EBF1: variants seen among roughly 807,000 people sequenced by gnomAD.
The protein encoded by EBF1 is EBF transcription factor 1, also known as transcription factor COE1.
EBF1 carries 10 observed loss-of-function variants against 68.4 expected under a neutral mutation model. The observed-to-expected ratio is 0.15, with a 90% confidence interval of 0.09 to 0.25. EBF1 has a LOEUF of 0.25. Ranked by LOEUF, EBF1 falls within the 10% of genes least tolerant of loss-of-function variation. EBF1 has a pLI of 1.00. For synonymous variants in EBF1, 298 were observed against 299.8 expected (o/e 0.99, Z 0.06); for missense variants, 509 against 794.4 (o/e 0.64, Z 4.32).
At chr5:159,051,921 T>G (rs1773825749) in intron 6 of EBF1, among the ~76,000 whole-genome samples, 1 of 152,162 alleles carries the variant, frequency 6.6e-6, no homozygotes. Flanking sequence ...TACGTTCTTT[T>G]GCCATTTATA....
chr5:158,937,585 G>T (rs190726679), intron 6 of EBF1, among the ~76,000 whole-genome samples: 4 of 152,354 alleles, frequency 2.6e-5, no homozygotes, highest in African/African-American at 9.6e-5. Context: ...GAGCGGAATG[G>T]GATGTAATTA....
intron 8 of EBF1, among the ~76,000 whole-genome samples, chr5:158,798,324 T>G: frequency 6.6e-6 from 1 of 152,218 alleles, no homozygotes; most frequent in Non-Finnish European, 1.5e-5. Context: ...GGTCATTAAT[T>G]GCTGACCCTG....
At chr5:158,941,467 G>T (rs1813369260) in intron 6 of EBF1, among the ~76,000 whole-genome samples, 1 of 151,984 alleles carries the variant, frequency 6.6e-6, no homozygotes, top group South Asian at 2.1e-4. Context: ...ACTCTATAGG[G>T]GCACACGCAC....
At chr5:159,045,253 T>G (rs1772107926) in intron 6 of EBF1, among the ~76,000 whole-genome samples, 1 of 152,052 alleles carries the variant, frequency 6.6e-6, no homozygotes, top group African/African-American at 2.4e-5. Flanking sequence ...GAATCAGAGA[T>G]CTCAAGAATT....
chr5:158,819,719 T>G (rs953544469), intron 8 of EBF1, among the ~76,000 whole-genome samples: 11 of 152,234 alleles, frequency 7.2e-5, no homozygotes, highest in African/African-American at 2.7e-4. Flanking sequence ...AGTTACATTT[T>G]GAGGCTGCCT....
At chr5:158,774,146 A>T (rs911340004) in intron 10 of EBF1, among the ~76,000 whole-genome samples, 2 of 152,102 alleles carry the variant, frequency 1.3e-5, no homozygotes, top group African/African-American at 4.8e-5. Flanking sequence ...CTCTGATTGG[A>T]CAAACACAAG....
intron 6 of EBF1, among the ~76,000 whole-genome samples, chr5:158,844,851 G>A (rs1254129468): frequency 3.3e-5 from 5 of 152,098 alleles, no homozygotes; most frequent in Non-Finnish European, 7.4e-5. Context: ...GGAACTAACT[G>A]AACCCAATAC....
intron 6 of EBF1, among the ~76,000 whole-genome samples, chr5:158,994,549 C>T (rs372369994): frequency 6.4e-4 from 97 of 152,272 alleles, no homozygotes; most frequent in African/African-American, 1.6e-3. Flanking sequence ...ATCCCTTGCA[C>T]GCCTTTTGAG....
chr5:158,922,616 A>G (rs1365485059), intron 6 of EBF1, among the ~76,000 whole-genome samples: 1 of 152,230 alleles, frequency 6.6e-6, no homozygotes, highest in Non-Finnish European at 1.5e-5. Flanking sequence ...AGGGTTGGAA[A>G]AGTAGATTTA....
rs7711317 is a variant in EBF1 at position 158,760,086 on chromosome 5, T to A, written c.1036+17327A>T. ...GATAGTACATTGCCAAGTAGATTTG[T>A]CCTTTAAGACTTTAGAAATTCTAGG... On this transcript the variant is annotated intron_variant, in intron 10 of 15. Transcript: ENST00000313708. Among the ~76,000 whole-genome samples, 830 of 152,310 alleles carry A rather than the reference T, an allele frequency of 5.4e-3. 9 individuals are homozygous for A. The highest frequency in any genetic ancestry group is 0.019 in the African/African-American group (802 of 41,570).
At chr5:158,895,695 T>C (rs776796949) in intron 6 of EBF1, among the ~76,000 whole-genome samples, 4 of 152,170 alleles carry the variant, frequency 2.6e-5, no homozygotes, top group Admixed American at 1.3e-4. Flanking sequence ...AGGAGTGACC[T>C]GGCCAAAGGA....
chr5:159,045,123 C>T (rs1169004326), intron 6 of EBF1, among the ~76,000 whole-genome samples: 1 of 151,948 alleles, frequency 6.6e-6, no homozygotes, highest in Non-Finnish European at 1.5e-5. Flanking sequence ...AAAAAAGAAA[C>T]TTTGGTTCAT....
rs2127450670 is a variant in EBF1 at position 158,697,219 on chromosome 5, T to C, written c.*1892A>G. ...TTTTGTAAGCTTCCAAAGCAAAGGA[T>C]ACATTTTTTTTTAAATCTACTGAAC... is the stretch of plus-strand genomic sequence containing the variant. On this transcript the variant is annotated 3_prime_UTR_variant, in exon 16 of 16. Transcript: ENST00000313708. The C allele has an allele frequency of 1.0e-5, 2 of 193,242 alleles. No individual in the cohort carries two copies. Among genetic ancestry groups the C allele is most frequent in the Non-Finnish European group, 2.2e-5 (2 of 92,872 alleles). 12.0% of individuals were successfully genotyped at this position (193,242 alleles called of 1,614,324 possible).
At chr5:158,975,443 G>A (rs561196932) in intron 6 of EBF1, among the ~76,000 whole-genome samples, 3 of 152,182 alleles carry the variant, frequency 2.0e-5, no homozygotes, top group Non-Finnish European at 4.4e-5. Context: ...TGAATGCTGT[G>A]TGGTGTCTTC....
intron 6 of EBF1, among the ~76,000 whole-genome samples, chr5:158,907,169 C>T (rs191117916): frequency 6.6e-6 from 1 of 152,286 alleles, no homozygotes; most frequent in East Asian, 1.9e-4. Flanking sequence ...GACATCATCT[C>T]TGCCTTCACG....
intron 15 of EBF1, among the ~76,000 whole-genome samples, chr5:158,705,568 T>C (rs1581167536): frequency 6.6e-6 from 1 of 152,174 alleles, no homozygotes; most frequent in South Asian, 2.1e-4. Context: ...AGTTGGAAAA[T>C]CCCTGGGAGG....
At chr5:158,917,363 C>T (rs1383510716) in intron 6 of EBF1, among the ~76,000 whole-genome samples, 3 of 152,292 alleles carry the variant, frequency 2.0e-5, no homozygotes, top group Middle Eastern at 3.4e-3. Context: ...GCTTATAACA[C>T]TCGGAGGATT....
chr5:159,015,209 T>G (rs1328018022), intron 6 of EBF1, among the ~76,000 whole-genome samples: 1 of 152,200 alleles, frequency 6.6e-6, no homozygotes, highest in Non-Finnish European at 1.5e-5. Context: ...ATGAATTAAA[T>G]GTAATAGGAT....
intron 10 of EBF1, among the ~76,000 whole-genome samples, chr5:158,736,967 C>T (rs1212042096): frequency 6.6e-6 from 1 of 152,198 alleles, no homozygotes; most frequent in South Asian, 2.1e-4. Context: ...TGCCTAGATA[C>T]TTGATGCACA....
Sources: gnomAD v4.1 joint callset for allele counts (sites outside exome capture counted in the v4.1 genomes callset) on GRCh38, gnomAD v4.1.1 for gene constraint, MANE v1.5 for transcripts, NCBI Gene and HGNC (gene_info 2026-07-23, HGNC 2026-07-21) for gene names.